Variants in PABPC1 observed in about 807,000 individuals in gnomAD.
The protein encoded by PABPC1 is polyadenylate-binding protein 1.
A neutral mutation model predicts 74.0 loss-of-function variants in PABPC1; 4 were observed. The ratio of observed to expected loss-of-function variants is 0.05; its 90% CI spans 0.03 to 0.12. The LOEUF (loss-of-function observed/expected upper bound fraction) is 0.12, where lower values mean the gene tolerates loss of function less well. PABPC1 is among the 10% of genes least tolerant of loss of function. The probability of loss-of-function intolerance (pLI) is 1.00; values close to 1 mark genes in which losing one functional copy is unlikely to be tolerated. For missense variants in PABPC1, 271 were observed against 821.1 expected (o/e 0.33, Z 8.19); for synonymous variants, 227 against 264.1 (o/e 0.86, Z 1.36).
rs1211615384 is a variant in PABPC1, at chr8:100,709,501, C to G, written c.1203G>C (p.Gln401His). The G allele has an allele frequency of 1.1e-5, 17 of 1,614,092 alleles. No homozygotes were observed. Among genetic ancestry groups the G allele is most frequent in the African/African-American group, 2.7e-5 (2 of 74,938 alleles). ...TGAAGTAACCTGAAGGAGGTGCTGGCTGGTAGGGGTTGATTACAGGGTTGG... is the reference window on the plus strand; with the variant it reads ...TGAAGTAACCTGAAGGAGGTGCTGGGTGGTAGGGGTTGATTACAGGGTTGG... ...AVPNPVINPY[Q>H]PAPPSGYFMA... Residue 401 changes from glutamine (Q) to histidine (H), a missense_variant, in exon 8 of 15, where the codon CAG becomes CAC. Gln to His is a conservative substitution (Grantham distance 24, BLOSUM62 0). Around this residue, in one of 7 missense-constraint regions of PABPC1, gnomAD observed 103 missense variants for 245.3 expected, o/e 0.42. Transcript: ENST00000318607.
rs34574721 is a variant in PABPC1 at position 100,712,798 on chromosome 8, C to CAAA, written c.739-12_739-10dup. On this transcript the variant is annotated splice_polypyrimidine_tract_variant and intron_variant, in intron 5 of 14. Coordinates refer to ENST00000318607, the MANE Select transcript of PABPC1 (RefSeq NM_002568.4). The stretch of plus-strand genomic sequence containing the variant: ...TTCATCTCATCCACAGCCTTCCCCC[C>CAAA]AAAAAAAAAGAAAAAAAAAAAATCA... 486 of 1,453,806 alleles carry CAAA rather than the reference C, an allele frequency of 3.3e-4. No individual in the cohort carries two copies. The highest frequency in any genetic ancestry group is 1.8e-3 in the South Asian group (128 of 72,784). 90.1% of individuals were successfully genotyped at this position (1,453,806 alleles called of 1,614,324 possible). A position where few individuals can be genotyped will look rare whatever the true frequency, so the allele number is the denominator to read the frequency against.
At position 100,713,169 on chromosome 8, in the gene PABPC1, C is replaced by T; in HGVS notation, c.656G>A (p.Ser219Asn). The change falls in exon 5 of 15, where the codon AGT (serine) becomes AAT (asparagine). Residue 219 changes from serine (S) to asparagine (N), a missense_variant. Transcript: ENST00000318607. Reference sequence around the variant, plus strand: ...ACTTTCATCAGTCATTACTTTCACACTTAAGGCAGGCCCTAAAAAATTTTT... The same window carrying T: ...ACTTTCATCAGTCATTACTTTCACATTTAAGGCAGGCCCTAAAAAATTTTT... ...DLFGKFGPAL[S>N]VKVMTDESGK... The T allele has an allele frequency of 6.2e-7, 1 of 1,602,964 alleles. No homozygotes were observed. The highest frequency in any genetic ancestry group is 8.5e-7 in the Non-Finnish European group (1 of 1,175,866).
chr8:100,718,023 T>C lies in PABPC1; in HGVS notation c.387+64A>G. On this transcript the variant is annotated intron_variant, in intron 2 of 14. Transcript: ENST00000318607. ...ATATCCATTACTGCACAGTTCCTATTTCAAGCACTAAACTAAATGTAGCTC... is the reference window on the plus strand; with the variant it reads ...ATATCCATTACTGCACAGTTCCTATCTCAAGCACTAAACTAAATGTAGCTC... The C allele has an allele frequency of 5.5e-6, 8 of 1,463,678 alleles. 1 individual carries two copies. In the South Asian group the frequency reaches 9.3e-5, roughly 17 times the overall value. 90.7% of individuals were successfully genotyped at this position (1,463,678 alleles called of 1,614,324 possible). A position where few individuals can be genotyped will look rare whatever the true frequency, so the allele number is the denominator to read the frequency against.
intron 1 of PABPC1, 114 bp from the exon 2 acceptor site, chr8:100,718,394 G>A (rs943389320): frequency 3.2e-5 from 25 of 786,316 alleles, no homozygotes; most frequent in Admixed American, 1.7e-4. Context: ...ACAGTTGAAC[G>A]CTTCCTCTTT....
chr8:100,704,833 T>A, intron 13 of PABPC1, 93 bp downstream of exon 13: 1 of 1,262,778 alleles, frequency 7.9e-7, no homozygotes, highest in Non-Finnish European at 1.1e-6. Context: ...GGCTTATATA[T>A]AACACGATGT....
intron 7 of PABPC1, among the ~76,000 whole-genome samples, chr8:100,710,608 A>G (rs1810502095): frequency 6.6e-6 from 1 of 152,248 alleles, no homozygotes. Flanking sequence ...AGAATGTAGA[A>G]ATAGAGAGAA....
Position 100,712,462 on chromosome 8 carries a change from AAAG to A in PABPC1, c.877-8_877-6del, listed in dbSNP as rs1587156536. 3 of 1,318,826 alleles carry A rather than the reference AAAG, an allele frequency of 2.3e-6. No homozygotes were observed. Among genetic ancestry groups the A allele is most frequent in the South Asian group, 1.4e-5 (1 of 69,050 alleles). 81.7% of individuals were successfully genotyped at this position (1,318,826 alleles called of 1,614,324 possible). A position where few individuals can be genotyped will look rare whatever the true frequency, so the allele number is the denominator to read the frequency against. On this transcript the variant is annotated splice_polypyrimidine_tract_variant and splice_region_variant and intron_variant, in intron 6 of 14. Coordinates refer to ENST00000318607, the MANE Select transcript of PABPC1 (RefSeq NM_002568.4). ...TTTCACATAAAGATTAACACCCTAA[AAAG>A]AAGAAAAGAAAACTATAGAAAAAGA...
chr8:100,708,163 G>A (rs948112335), intron 9 of PABPC1, among the ~76,000 whole-genome samples: 3 of 152,152 alleles, frequency 2.0e-5, no homozygotes, highest in Admixed American at 1.3e-4. Context: ...GGAACAGCTC[G>A]TGTCCTCGGT....
rs189277314 is a variant in PABPC1 at position 100,705,907 on chromosome 8, G to A, written c.1603-234C>T. On this transcript the variant is annotated intron_variant, in intron 11 of 14. Transcript: ENST00000318607. ...TTTGTCGCCCAGGCTGGAATGCAAC[G>A]GCACAATCTTGGCTCGCTGCAACCT... Among the ~76,000 whole-genome samples, 461 of 152,220 alleles carry A rather than the reference G, an allele frequency of 3.0e-3. 2 individuals are homozygous for A. The highest frequency in any genetic ancestry group is 0.01 in the African/African-American group (419 of 41,512).
intron 7 of PABPC1, 43 bp downstream of exon 7, chr8:100,712,319 A>G: frequency 8.4e-7 from 1 of 1,192,522 alleles, no homozygotes; most frequent in Non-Finnish European, 1.2e-6. Flanking sequence ...ACATGTATGA[A>G]TTTTTACTAG....
chr8:100,716,980 TC>T (rs1810687670), intron 3 of PABPC1, among the ~76,000 whole-genome samples: 1 of 152,194 alleles, frequency 6.6e-6, no homozygotes, highest in Non-Finnish European at 1.5e-5. Flanking sequence ...TTTTTTTTCC[TC>T]CTAAAGCCCT....
In PABPC1 at chr8:100,705,064, C is replaced by T. The variant is rs141792609; in HGVS notation, c.1688-8G>A. ...GAGGAAACAGCCGTTCACCTAGGAA[C>T]AGAAACATTCAAAAACTCCCTTCAA... is the stretch of plus-strand genomic sequence containing the variant. On this transcript the variant is annotated splice_region_variant and splice_polypyrimidine_tract_variant and intron_variant, in intron 12 of 14. Transcript: ENST00000318607. 0.014 allele frequency: 22,479 copies of T among 1,599,886 alleles called. 208 individuals are homozygous for T. Among genetic ancestry groups the T allele is most frequent in the Non-Finnish European group, 0.017 (19,945 of 1,175,320 alleles).
chr8:100,721,745 G>C lies in PABPC1; in HGVS notation c.-162C>G, dbSNP rs895428523. 1.0e-5 allele frequency: 6 copies of C among 590,996 alleles called. No individual in the cohort carries two copies. Among genetic ancestry groups the C allele is most frequent in the Admixed American group, 3.7e-5 (1 of 27,384 alleles). The allele number at this position is 590,996 out of a possible 1,614,324, so 36.6% of individuals were successfully genotyped here. A position where few individuals can be genotyped will look rare whatever the true frequency, so the allele number is the denominator to read the frequency against. ...GAAAACTACTCAACGGCCGCAGAAC[G>C]GGGTCGATCCACTGCCGCTGGCTGC... On this transcript the variant is annotated 5_prime_UTR_variant, in exon 1 of 15. Transcript: ENST00000318607. The surrounding 1 kb of genome is among the most constrained non-coding windows in gnomAD (Gnocchi z 7.4).
intron 3 of PABPC1, among the ~76,000 whole-genome samples, chr8:100,715,810 C>A (rs577125287): frequency 6.6e-5 from 10 of 151,564 alleles, no homozygotes; most frequent in African/African-American, 2.2e-4. Flanking sequence ...AAAAAAAAAA[C>A]CACTTCTTTT....
chr8:100,705,155 T>A, intron 12 of PABPC1, 99 bp from the exon 13 acceptor site: 1 of 921,588 alleles, frequency 1.1e-6, no homozygotes, highest in Admixed American at 2.5e-5. Flanking sequence ...CATACTTCTG[T>A]CTCACGTATA....
At chr8:100,706,548 A>C in intron 11 of PABPC1, 103 bp downstream of exon 11, 3 of 1,017,758 alleles carry the variant, frequency 2.9e-6, no homozygotes, top group South Asian at 1.5e-5. Flanking sequence ...CAACCTCCCA[A>C]AGTGCTGGGG....
rs752759495 is a variant in PABPC1, at chr8:100,717,757, G to A, written c.503+16C>T. The A allele has an allele frequency of 3.0e-6, 4 of 1,337,350 alleles. No individual in the cohort carries two copies. The highest frequency in any genetic ancestry group is 2.1e-6 in the Non-Finnish European group (2 of 938,810). The allele number at this position is 1,337,350 out of a possible 1,614,324, so 82.8% of individuals were successfully genotyped here. On this transcript the variant is annotated intron_variant, in intron 3 of 14. Transcript: ENST00000318607. ...ATAAGATTCAAAATATGATTAGCTA[G>A]ATATTTATAACTTACACTTTGCGAT... is the stretch of plus-strand genomic sequence containing the variant.
intron 4 of PABPC1, 141 bp from the exon 5 acceptor site, chr8:100,713,322 G>A (rs1587158851): frequency 3.9e-6 from 2 of 507,262 alleles, no homozygotes. Flanking sequence ...TATGCCCCAG[G>A]TAGGTATACT....
At chr8:100,713,549 G>A (rs1186481179) in intron 4 of PABPC1, among the ~76,000 whole-genome samples, 2 of 152,094 alleles carry the variant, frequency 1.3e-5, no homozygotes, top group African/African-American at 2.4e-5. Context: ...AAGTGTAGCA[G>A]CACAATGAAT....
Sources: allele counts gnomAD v4.1 joint callset (sites outside exome capture counted in the v4.1 genomes callset), GRCh38; gene constraint gnomAD v4.1.1; regional missense constraint gnomAD v4.1.1; non-coding constraint Gnocchi (gnomAD v3.1); transcripts MANE v1.5; gene names NCBI Gene and HGNC (gene_info 2026-07-23, HGNC 2026-07-21).